SCG3: variants seen among roughly 807,000 people sequenced by gnomAD.
SCG3 encodes secretogranin-3.
Under a neutral mutation model 56.2 loss-of-function variants are expected in SCG3, and 38 were observed. The ratio of observed to expected loss-of-function variants is 0.68; its 90% CI spans 0.52 to 0.89. The LOEUF (loss-of-function observed/expected upper bound fraction) is 0.89. SCG3 is among the 40% of genes least tolerant of loss of function. The pLI, the probability that SCG3 is intolerant of heterozygous loss-of-function variation, is 0.00. For missense variants in SCG3, 524 were observed against 540.7 expected (o/e 0.97, Z 0.31); for synonymous variants, 176 against 184.2 (o/e 0.96, Z 0.36).
At chr15:51,716,792 C>A (rs1237346479) in intron 11 of SCG3, among the ~76,000 whole-genome samples, 1 of 152,266 alleles carries the variant, frequency 6.6e-6, no homozygotes, top group African/African-American at 2.4e-5. Context: ...TTAGAGTCAG[C>A]CTCAGACACC....
At chr15:51,699,933 G>A (rs1157607560) in intron 9 of SCG3, among the ~76,000 whole-genome samples, 4 of 152,114 alleles carry the variant, frequency 2.6e-5, no homozygotes, top group African/African-American at 4.8e-5. Flanking sequence ...CCAGGGAACT[G>A]AGCTATGGAA....
chr15:51,706,065 G>A (rs771925229), intron 10 of SCG3, among the ~76,000 whole-genome samples: 4 of 152,158 alleles, frequency 2.6e-5, no homozygotes, highest in Non-Finnish European at 4.4e-5. Flanking sequence ...AGGACATACC[G>A]ACATATATCT....
In SCG3 at chr15:51,688,216, G is replaced by A. The variant is rs773324630; in HGVS notation, c.398-44G>A. On this transcript the variant is annotated intron_variant, in intron 4 of 11. Coordinates refer to ENST00000220478, the MANE Select transcript of SCG3 (RefSeq NM_013243.4). ...TAAGTATAATATGATGCATGAAATA[G>A]ATCTATGATCACTATGGTGTGAAGT... 41 of 1,566,228 alleles carry A rather than the reference G, an allele frequency of 2.6e-5. No homozygotes were observed. In the East Asian group the frequency reaches 8.3e-4, roughly 32 times the overall value.
intron 4 of SCG3, 63 bp from the exon 5 acceptor site, chr15:51,688,197 T>C (rs2055241439): frequency 2.0e-6 from 3 of 1,476,822 alleles, no homozygotes; most frequent in South Asian, 2.5e-5. Context: ...ATTATAAGTA[T>C]AATATGATGC....
intron 4 of SCG3, among the ~76,000 whole-genome samples, chr15:51,687,901 G>A (rs2055239532): frequency 6.6e-6 from 1 of 152,026 alleles, no homozygotes; most frequent in African/African-American, 2.4e-5. Flanking sequence ...ATATATAGAA[G>A]GGTACATTGA....
At position 51,701,116 on chromosome 15, in the gene SCG3, A is replaced by G. The variant is rs547270073; in HGVS notation, c.1079A>G (p.Glu360Gly). The change falls in exon 10 of 12, where the codon GAG becomes GGG. Residue 360 changes from glutamate to glycine, a missense_variant. Glu to Gly is a moderately conservative substitution (Grantham distance 98). Transcript: ENST00000220478. ...NISKLFPAPS[E>G]KSHEETDSTK... is the part of the protein sequence containing the mutation. ...CTCAATCTGATTACAGCACCATCAGAGAAGAGTCATGAAGAAACAGACAGT... is the reference window on the plus strand; with the variant it reads ...CTCAATCTGATTACAGCACCATCAGGGAAGAGTCATGAAGAAACAGACAGT... The G allele has an allele frequency of 6.2e-7, 1 of 1,613,892 alleles. No individual in the cohort carries two copies. Among genetic ancestry groups the G allele is most frequent in the Non-Finnish European group, 8.5e-7 (1 of 1,179,960 alleles).
chr15:51,690,913 T>A (rs1458878099), intron 6 of SCG3, among the ~76,000 whole-genome samples: 1 of 152,190 alleles, frequency 6.6e-6, no homozygotes, highest in Non-Finnish European at 1.5e-5. Context: ...TAAAAAGACA[T>A]AATCCCTGAC....
chr15:51,698,028 C>T (rs922518851), intron 8 of SCG3, among the ~76,000 whole-genome samples: 2 of 152,188 alleles, frequency 1.3e-5, no homozygotes, highest in Non-Finnish European at 2.9e-5. Flanking sequence ...ATCTGCCTTT[C>T]TATTCTGGCC....
intron 10 of SCG3, among the ~76,000 whole-genome samples, chr15:51,705,536 T>C (rs76949116): frequency 0.026 from 3,914 of 151,208 alleles, 135 homozygotes; most frequent in East Asian, 0.11. Flanking sequence ...TTTTTTTTTT[T>C]CCCGAGACAG....
At chr15:51,683,533 T>G (rs1291309970) in intron 4 of SCG3, 99 bp downstream of exon 4, 1 of 758,352 alleles carries the variant, frequency 1.3e-6, no homozygotes, top group African/African-American at 1.8e-5. Flanking sequence ...ACATTCATAA[T>G]CCTTTATTAG....
intron 6 of SCG3, among the ~76,000 whole-genome samples, chr15:51,690,091 A>T (rs903291238): frequency 6.6e-6 from 1 of 152,112 alleles, no homozygotes; most frequent in Non-Finnish European, 1.5e-5. Context: ...CCCCCCACAA[A>T]GAAGTGGGTT....
chr15:51,690,896 G>A (rs2055262682), intron 6 of SCG3, among the ~76,000 whole-genome samples: 1 of 152,168 alleles, frequency 6.6e-6, no homozygotes, highest in Admixed American at 6.5e-5. Flanking sequence ...GAAATACCAT[G>A]CCTATTTAAA....
At chr15:51,688,055 T>G (rs1410110197) in intron 4 of SCG3, among the ~76,000 whole-genome samples, 2 of 152,210 alleles carry the variant, frequency 1.3e-5, no homozygotes, top group Non-Finnish European at 2.9e-5. Context: ...CTAAGAAAGT[T>G]TCAGAATGTC....
rs1433397268 is a variant in SCG3, at chr15:51,701,219, A to C, written c.1182A>C (p.Pro394=). ...KDSTKDDNSN[P]GGKTDEPKGK... is the part of the protein sequence containing the mutation. ...CCACAAAAGATGATAACTCCAACCC[A>C]GGAGGAAAGACAGATGAACCCAAAG... is the stretch of plus-strand genomic sequence containing the variant. Residue 394 remains proline (P), a synonymous_variant, in exon 10 of 12, where the codon CCA becomes CCC. Coordinates refer to ENST00000220478, the MANE Select transcript of SCG3 (RefSeq NM_013243.4). 6.2e-7 allele frequency: 1 copy of C among 1,605,684 alleles called. No homozygotes were observed.
At position 51,689,299 on chromosome 15, in the gene SCG3, T is replaced by C. The variant is rs2055250681; in HGVS notation, c.621T>C (p.Asn207=). The change falls in exon 6 of 12, where the codon AAT becomes AAC. Residue 207 remains asparagine (N), a synonymous_variant. Coordinates refer to ENST00000220478, the MANE Select transcript of SCG3 (RefSeq NM_013243.4). ...LQKLISKEAN[N]YEEDPNKPTS... ...AATTAATCTCAAAGGAAGCCAACAA[T>C]TATGAGGAGGATCCCAATAAGCCCA... 1 of 1,613,764 alleles carries C rather than the reference T, an allele frequency of 6.2e-7. No homozygotes were observed. Among genetic ancestry groups the C allele is most frequent in the Admixed American group, 1.7e-5 (1 of 59,934 alleles).
chr15:51,717,196 C>T (rs1023875093), intron 11 of SCG3, among the ~76,000 whole-genome samples: 1 of 152,060 alleles, frequency 6.6e-6, no homozygotes, highest in Admixed American at 6.5e-5. Context: ...GGTGAACCTC[C>T]ATCTCTACTA....
At position 51,720,803 on chromosome 15, in the gene SCG3, C is replaced by A. The variant is rs200693860; in HGVS notation, c.*1277C>A. 1.1e-5 allele frequency: 2 copies of A among 175,668 alleles called. No individual in the cohort carries two copies. The highest frequency in any genetic ancestry group is 3.3e-4 in the East Asian group (2 of 6,058). 10.9% of individuals were successfully genotyped at this position (175,668 alleles called of 1,614,324 possible). A position where few individuals can be genotyped will look rare whatever the true frequency, so the allele number is the denominator to read the frequency against. On this transcript the variant is annotated 3_prime_UTR_variant, in exon 12 of 12. Coordinates refer to ENST00000220478, the MANE Select transcript of SCG3 (RefSeq NM_013243.4). ...TCAGCACTCTGTAAAACGCACCAATCAGCACTCTGTAAAATGCACCAATCA... is the reference window on the plus strand; with the variant it reads ...TCAGCACTCTGTAAAACGCACCAATAAGCACTCTGTAAAATGCACCAATCA...
At chr15:51,705,404 T>A (rs2141575003) in intron 10 of SCG3, among the ~76,000 whole-genome samples, 1 of 152,336 alleles carries the variant, frequency 6.6e-6, no homozygotes, top group South Asian at 2.1e-4. Context: ...CTATTTAGGA[T>A]GTGAGTGTTT....
chr15:51,699,434 A>G, intron 9 of SCG3, 32 bp downstream of exon 9: 1 of 1,358,782 alleles, frequency 7.4e-7, no homozygotes. Flanking sequence ...TTTAGCCTTT[A>G]GAATAATAAC....
Sources: gnomAD v4.1 joint callset for allele counts (sites outside exome capture counted in the v4.1 genomes callset) on GRCh38, gnomAD v4.1.1 for gene constraint, MANE v1.5 for transcripts, NCBI Gene and HGNC (gene_info 2026-07-23, HGNC 2026-07-21) for gene names.